IYD: variants seen among roughly 807,000 people sequenced by gnomAD.
IYD encodes the protein iodotyrosine deiodinase, also known as iodotyrosine deiodinase 1.
In IYD, 25 loss-of-function variants were observed where a neutral mutation model predicts 28.4. The observed-to-expected ratio is 0.88, with a 90% CI of 0.64 to 1.23. The LOEUF (loss-of-function observed/expected upper bound fraction) is 1.23, where lower values mean the gene tolerates loss of function less well. Among genes scored for constraint, IYD ranks in the 50% most tolerant of loss-of-function variants. The pLI, the probability that IYD is intolerant of heterozygous loss-of-function variation, is 0.00. For synonymous variants in IYD, 140 were observed against 130.8 expected (o/e 1.07, Z -0.48); for missense variants, 352 against 357.9 (o/e 0.98, Z 0.13).
chr6:150,381,575 A>G (rs1456804549), intron 1 of IYD, among the ~76,000 whole-genome samples: 1 of 152,228 alleles, frequency 6.6e-6, no homozygotes, highest in African/African-American at 2.4e-5. Context: ...AAATATACAC[A>G]TCCAACATTT....
intron 1 of IYD, among the ~76,000 whole-genome samples, chr6:150,385,768 T>C (rs1393242158): frequency 1.3e-5 from 2 of 151,994 alleles, no homozygotes; most frequent in Non-Finnish European, 2.9e-5. Flanking sequence ...AGAGTTGCTT[T>C]CTCTTTTAGG....
At chr6:150,384,391 A>G (rs1252194036) in intron 1 of IYD, 1 of 152,208 alleles carries the variant, frequency 6.6e-6, no homozygotes, top group Non-Finnish European at 1.5e-5. Context: ...AATTTCACTG[A>G]AAAAATTCCA....
rs983723046 is a variant in IYD, at chr6:150,370,093, A to G, written c.178+884A>G. ...GTCTGGGATGGGTTCGATTTGGAAG[A>G]GGCTCTGTGATCTTCAGCTGGGCTA... is the stretch of plus-strand genomic sequence containing the variant. On this transcript the variant is annotated intron_variant, in intron 1 of 4. Coordinates refer to ENST00000344419, the MANE Select transcript of IYD (RefSeq NM_203395.3). 16 of 699,368 alleles carry G rather than the reference A, an allele frequency of 2.3e-5. No homozygotes were observed. In the African/African-American group the frequency reaches 2.6e-4, roughly 11 times the overall value. The allele number at this position is 699,368 out of a possible 1,614,324, so 43.3% of individuals were successfully genotyped here. A position where few individuals can be genotyped will look rare whatever the true frequency, so the allele number is the denominator to read the frequency against.
chr6:150,383,685 G>A (rs624510), intron 1 of IYD, among the ~76,000 whole-genome samples: 83,460 of 151,128 alleles, frequency 0.55, 23,188 homozygotes, highest in African/African-American at 0.59. Flanking sequence ...ATTTATGGTC[G>A]GGTGCAGTGG....
At position 150,404,274 on chromosome 6, in the gene IYD, A is replaced by G. The variant is rs2115078499; in HGVS notation, c.*6037A>G. The G allele has an allele frequency of 6.6e-6, 1 of 152,336 alleles. No homozygotes were observed. The highest frequency in any genetic ancestry group is 6.5e-5 in the Admixed American group (1 of 15,298). 9.4% of individuals were successfully genotyped at this position (152,336 alleles called of 1,614,324 possible). A position where few individuals can be genotyped will look rare whatever the true frequency, so the allele number is the denominator to read the frequency against. On this transcript the variant is annotated 3_prime_UTR_variant, in exon 5 of 5. Transcript: ENST00000344419. ...AATAATTCAAATCCATAATATTGAT[A>G]CTTTCATGTTAAGTTTAGGACTAAT...
chr6:150,401,448 T>G lies in IYD; in HGVS notation c.*3211T>G, dbSNP rs1049519775. On this transcript the variant is annotated 3_prime_UTR_variant, in exon 5 of 5. Coordinates refer to ENST00000344419, the MANE Select transcript of IYD (RefSeq NM_203395.3). ...AAATCCATTTCAGCCTGCCGCCCCT[T>G]GGAATGGAGGGTCTTCTAGGGACCA... 4 of 152,206 alleles carry G rather than the reference T, an allele frequency of 2.6e-5. No homozygotes were observed. The highest frequency in any genetic ancestry group is 1.9e-4 in the East Asian group (1 of 5,158). 9.4% of individuals were successfully genotyped at this position (152,206 alleles called of 1,614,324 possible). A position where few individuals can be genotyped will look rare whatever the true frequency, so the allele number is the denominator to read the frequency against.
chr6:150,374,979 TC>T (rs142448796), intron 1 of IYD, among the ~76,000 whole-genome samples: 160 of 152,254 alleles, frequency 1.1e-3, no homozygotes, highest in African/African-American at 3.7e-3. Flanking sequence ...GGTAATATGT[TC>T]TGAACCCCAC....
At chr6:150,394,344 T>A (rs1778234528) in intron 4 of IYD, 89 bp downstream of exon 4, 4 of 1,406,494 alleles carry the variant, frequency 2.8e-6, no homozygotes, top group Admixed American at 3.4e-5. Context: ...AATTTTTTTT[T>A]AATCTAAAGT....
Position 150,371,197 on chromosome 6 carries a change from T to C in IYD, c.178+1988T>C, listed in dbSNP as rs572536797. On this transcript the variant is annotated intron_variant, in intron 1 of 4. Coordinates refer to ENST00000344419, the MANE Select transcript of IYD (RefSeq NM_203395.3). ...GCCCTTATATATTAATAGCTCTTAA[T>C]GTATGCAATCACAGCCACATATTAT... is the stretch of plus-strand genomic sequence containing the variant. Among the ~76,000 whole-genome samples, 12 of 152,338 alleles carry C rather than the reference T, an allele frequency of 7.9e-5. No individual in the cohort carries two copies. The South Asian group carries it at 2.3e-3, about 29-fold the overall frequency.
In IYD at chr6:150,398,109, AG is replaced by A. The variant is rs1315573594; in HGVS notation, c.745del (p.Val249CysfsTer12). The A allele has an allele frequency of 6.2e-7, 1 of 1,614,166 alleles. No individual in the cohort carries two copies. On this transcript the variant is annotated frameshift_variant, in exon 5 of 5. Transcript: ENST00000344419. LOFTEE classifies it high-confidence loss of function. The stretch of plus-strand genomic sequence containing the variant: ...TCCTCTCAACTGTGGCCCTCGACTG[AG>A]GGTGCTCCTGGGCCGCCCCGCACAT... The part of the protein sequence containing the change: ...TTPLNCGPRL[R>X]VLLGRPAHEK...
intron 1 of IYD, among the ~76,000 whole-genome samples, chr6:150,388,804 C>T (rs1013810350): frequency 2.0e-5 from 3 of 150,238 alleles, no homozygotes; most frequent in Admixed American, 6.7e-5. Flanking sequence ...CAGGTTCAAG[C>T]GATTCTCATG....
intron 4 of IYD, among the ~76,000 whole-genome samples, chr6:150,397,576 AAAAC>A (rs1475966143): frequency 1.6e-5 from 2 of 125,720 alleles, no homozygotes; most frequent in Non-Finnish European, 1.5e-5. Flanking sequence ...TCTCAAAAAA[AAAAC>A]AAAAAACAAA....
At chr6:150,371,321 G>C (rs1777232356) in intron 1 of IYD, among the ~76,000 whole-genome samples, 2 of 152,194 alleles carry the variant, frequency 1.3e-5, no homozygotes, top group Non-Finnish European at 2.9e-5. Context: ...AATAGGGTAA[G>C]CTCAGGAAGG....
chr6:150,371,463 A>C (rs73615900), intron 1 of IYD, among the ~76,000 whole-genome samples: 2,886 of 152,026 alleles, frequency 0.019, 87 homozygotes, highest in African/African-American at 0.061. Context: ...AAGAGTGTGC[A>C]TCAAGGAAAG....
intron 1 of IYD, among the ~76,000 whole-genome samples, chr6:150,382,694 C>A (rs1236987840): frequency 6.6e-6 from 1 of 152,200 alleles, no homozygotes; most frequent in Non-Finnish European, 1.5e-5. Context: ...AAGAAACTAT[C>A]TTCCTATTGA....
In IYD at chr6:150,404,079, C is replaced by T. The variant is rs1169730102; in HGVS notation, c.*5842C>T. 1 of 152,230 alleles carries T rather than the reference C, an allele frequency of 6.6e-6. No individual in the cohort carries two copies. The highest frequency in any genetic ancestry group is 1.5e-5 in the Non-Finnish European group (1 of 68,036). The allele number at this position is 152,230 out of a possible 1,614,324, so 9.4% of individuals were successfully genotyped here. On this transcript the variant is annotated 3_prime_UTR_variant, in exon 5 of 5. Coordinates refer to ENST00000344419, the MANE Select transcript of IYD (RefSeq NM_203395.3). Reference sequence around the variant, plus strand: ...GCACTCAGGGCACTGTCTCCCAGCGCTGGAGTACTGTCTTATGACCAGAGA... The same window carrying T: ...GCACTCAGGGCACTGTCTCCCAGCGTTGGAGTACTGTCTTATGACCAGAGA...
rs1778037568 is a variant in IYD at position 150,389,664 on chromosome 6, T to G, written c.370+121T>G. 3 of 933,312 alleles carry G rather than the reference T, an allele frequency of 3.2e-6. No individual in the cohort carries two copies. In the Middle Eastern group the frequency reaches 6.3e-4, roughly 197 times the overall value. The allele number at this position is 933,312 out of a possible 1,614,324, so 57.8% of individuals were successfully genotyped here. On this transcript the variant is annotated intron_variant, in intron 2 of 4. Transcript: ENST00000344419. The stretch of plus-strand genomic sequence containing the variant: ...AAGCCTAGAGTGATATGTTTATCTA[T>G]AAAGTCTTACCCAAATGCTGAGTGA...
chr6:150,383,489 C>T (rs1054550848), intron 1 of IYD, among the ~76,000 whole-genome samples: 1 of 152,130 alleles, frequency 6.6e-6, no homozygotes, highest in Non-Finnish European at 1.5e-5. Flanking sequence ...CCAATGCATA[C>T]AAGAAAATGT....
chr6:150,380,361 G>C (rs1777603120), intron 1 of IYD, among the ~76,000 whole-genome samples: 1 of 151,946 alleles, frequency 6.6e-6, no homozygotes, highest in Non-Finnish European at 1.5e-5. Flanking sequence ...CAAAATCATT[G>C]CTATTGGCAT....
Sources: allele counts gnomAD v4.1 joint callset (sites outside exome capture counted in the v4.1 genomes callset), GRCh38; gene constraint gnomAD v4.1.1; transcripts MANE v1.5; gene names NCBI Gene and HGNC (gene_info 2026-07-23, HGNC 2026-07-21).